Variants in OXNAD1 observed in about 807,000 individuals in gnomAD.
OXNAD1 encodes the protein oxidoreductase NAD-binding domain-containing protein 1.
A neutral mutation model predicts 32.9 loss-of-function variants in OXNAD1; 34 were observed. The ratio of observed to expected loss-of-function variants is 1.03; its 90% CI spans 0.79 to 1.38. The LOEUF (loss-of-function observed/expected upper bound fraction) is 1.38, where lower values mean the gene tolerates loss of function less well. Ranked by LOEUF, OXNAD1 falls within the 40% of genes most tolerant of loss-of-function variation. The probability of loss-of-function intolerance (pLI) is 0.00; values close to 1 mark genes in which losing one functional copy is unlikely to be tolerated. For missense variants in OXNAD1, 407 were observed against 379.4 expected, an observed-to-expected ratio of 1.07 and a Z score of -0.60; for synonymous variants, 134 against 135.2, an observed-to-expected ratio of 0.99 and a Z score of 0.06.
rs1337174437 is a variant in OXNAD1, at chr3:16,280,663, TG to T, written c.184-5678del. Reference sequence around the variant, plus strand: ...TTGCCTAAATTTTTAAGCCAGAAAATGAATGAACAGGAGTGAACAGGGAAAG... The same window carrying T: ...TTGCCTAAATTTTTAAGCCAGAAAATAATGAACAGGAGTGAACAGGGAAAG... On this transcript the variant is annotated intron_variant, in intron 4 of 8. Coordinates refer to ENST00000285083, the MANE Select transcript of OXNAD1 (RefSeq NM_138381.5). This position sits in a 1 kb window ranked among gnomAD's most constrained non-coding sequence, Gnocchi z 4.5. Among the ~76,000 whole-genome samples, 1 of 152,130 alleles carries T rather than the reference TG, an allele frequency of 6.6e-6. No homozygotes were observed. The highest frequency in any genetic ancestry group is 2.4e-5 in the African/African-American group (1 of 41,414).
Position 16,271,342 on chromosome 3 carries a change from T to A in OXNAD1, c.119+271T>A, listed in dbSNP as rs946149994. On this transcript the variant is annotated intron_variant, in intron 3 of 8. Transcript: ENST00000285083. The surrounding 1 kb of genome is among the most constrained non-coding windows in gnomAD (Gnocchi z 4.6). ...TCTTAGCCTCCCGAGTAGCTGGGATTACAGGCGTGCACCACCACACCTAGC... is the reference window on the plus strand; with the variant it reads ...TCTTAGCCTCCCGAGTAGCTGGGATAACAGGCGTGCACCACCACACCTAGC... 1 of 536,288 alleles carries A rather than the reference T, an allele frequency of 1.9e-6. No homozygotes were observed. The highest frequency in any genetic ancestry group is 1.9e-5 in the African/African-American group (1 of 51,560). The allele number at this position is 536,288 out of a possible 1,614,324, so 33.2% of individuals were successfully genotyped here. A position where few individuals can be genotyped will look rare whatever the true frequency, so the allele number is the denominator to read the frequency against.
rs1472981085 is a variant in OXNAD1 at position 16,277,361 on chromosome 3, T to A, written c.183+5639T>A. Among the ~76,000 whole-genome samples the A allele has an allele frequency of 2.0e-5, 3 of 152,092 alleles. No homozygotes were observed. The highest frequency in any genetic ancestry group is 4.4e-5 in the Non-Finnish European group (3 of 68,012). On this transcript the variant is annotated intron_variant, in intron 4 of 8. Transcript: ENST00000285083. The surrounding 1 kb of genome is among the most constrained non-coding windows in gnomAD (Gnocchi z 4.3). ...TGGTCATTAGGAACTTGCCCCAATC[T>A]CCAGAGGGTGCTCCTAGCCATAGAG...
chr3:16,276,390 G>T, intron 4 of OXNAD1: 1 of 190,854 alleles, frequency 5.2e-6, no homozygotes. Flanking sequence ...TTCAGGCAGA[G>T]GAAAAAGTTG....
intron 5 of OXNAD1, 52 bp from the exon 6 acceptor site, chr3:16,294,804 C>T (rs112252010): frequency 6.5e-7 from 1 of 1,532,292 alleles, no homozygotes; most frequent in Non-Finnish European, 8.8e-7. Context: ...GTTTAATTTA[C>T]CAATTTTTAA....
rs1271012701 is a variant in OXNAD1 at position 16,344,992 on chromosome 3, A to G, written c.*31-4184A>G. On this transcript the variant is annotated intron_variant, in intron 9 of 9. Transcript: ENST00000606098. The surrounding 1 kb of genome is among the most constrained non-coding windows in gnomAD (Gnocchi z 4.4). Reference sequence around the variant, plus strand: ...ATTTTAAGCTCTTTTAGGGGGCCACATGGAAAGCATAAGAAATGGGGGCAG... The same window carrying G: ...ATTTTAAGCTCTTTTAGGGGGCCACGTGGAAAGCATAAGAAATGGGGGCAG... 6.6e-6 allele frequency: 1 copy of G among 152,198 alleles called. No homozygotes were observed. The highest frequency in any genetic ancestry group is 1.5e-5 in the Non-Finnish European group (1 of 68,034). 9.4% of individuals were successfully genotyped at this position (152,198 alleles called of 1,614,324 possible). A position where few individuals can be genotyped will look rare whatever the true frequency, so the allele number is the denominator to read the frequency against.
rs2065420974 is a variant in OXNAD1, at chr3:16,277,353, CCCCAATCT to C, written c.183+5634_183+5641del. Among the ~76,000 whole-genome samples the C allele has an allele frequency of 6.6e-6, 1 of 152,136 alleles. No homozygotes were observed. The highest frequency in any genetic ancestry group is 6.5e-5 in the Admixed American group (1 of 15,276). On this transcript the variant is annotated intron_variant, in intron 4 of 8. Transcript: ENST00000285083. This position sits in a 1 kb window ranked among gnomAD's most constrained non-coding sequence, Gnocchi z 4.3. ...GCAGTATATGGTCATTAGGAACTTG[CCCCAATCT>C]CCAGAGGGTGCTCCTAGCCATAGAG... is the stretch of plus-strand genomic sequence containing the variant.
chr3:16,326,904 T>C, intron 9 of OXNAD1: 3 of 1,571,474 alleles, frequency 1.9e-6, no homozygotes, highest in Non-Finnish European at 2.6e-6. Context: ...GCATTAGGGC[T>C]GCTGCTGCCA....
intron 9 of OXNAD1, among the ~76,000 whole-genome samples, chr3:16,325,330 G>C (rs548139580): frequency 6.6e-6 from 1 of 152,192 alleles, no homozygotes; most frequent in Non-Finnish European, 1.5e-5. Flanking sequence ...CCATTCCACC[G>C]TAAGTGGTCA....
At chr3:16,272,975 C>T (rs565664711) in intron 4 of OXNAD1, among the ~76,000 whole-genome samples, 4 of 151,990 alleles carry the variant, frequency 2.6e-5, no homozygotes, top group Non-Finnish European at 5.9e-5. Context: ...TTTTTTGGGC[C>T]GTGCTGTCTT....
In OXNAD1 at chr3:16,301,974, G is replaced by A; in HGVS notation, c.675+106G>A. On this transcript the variant is annotated intron_variant, in intron 7 of 8. Transcript: ENST00000285083. This position sits in a 1 kb window ranked among gnomAD's most constrained non-coding sequence, Gnocchi z 4.1. The stretch of plus-strand genomic sequence containing the variant: ...TTTCTCTGCAAAGGTTCAAACAAAA[G>A]GCTTGGCAAGATTTAATCATGCTTA... The A allele has an allele frequency of 2.1e-6, 3 of 1,400,018 alleles. No homozygotes were observed. The highest frequency in any genetic ancestry group is 2.9e-6 in the Non-Finnish European group (3 of 1,038,330). 86.7% of individuals were successfully genotyped at this position (1,400,018 alleles called of 1,614,324 possible). A position where few individuals can be genotyped will look rare whatever the true frequency, so the allele number is the denominator to read the frequency against.
At chr3:16,266,380 C>T (rs528823240) in intron 1 of OXNAD1, among the ~76,000 whole-genome samples, 2 of 151,962 alleles carry the variant, frequency 1.3e-5, no homozygotes, top group Non-Finnish European at 2.9e-5. Context: ...CCTAAAAGGG[C>T]GGATCACGAG....
chr3:16,323,513 C>A (rs956517622), intron 9 of OXNAD1: 1 of 1,278,176 alleles, frequency 7.8e-7, no homozygotes, highest in Non-Finnish European at 1.1e-6. Context: ...AACCCAAAAC[C>A]TGACACAGAT....
chr3:16,275,055 T>A (rs1359136278), intron 4 of OXNAD1: 1 of 154,258 alleles, frequency 6.5e-6, no homozygotes, highest in Non-Finnish European at 1.5e-5. Context: ...GCCTTTTTAC[T>A]CTGTATCATA....
chr3:16,301,910 G>C lies in OXNAD1; in HGVS notation c.675+42G>C. 1 of 1,574,936 alleles carries C rather than the reference G, an allele frequency of 6.3e-7. No homozygotes were observed. On this transcript the variant is annotated intron_variant, in intron 7 of 8. Coordinates refer to ENST00000285083, the MANE Select transcript of OXNAD1 (RefSeq NM_138381.5). This position sits in a 1 kb window ranked among gnomAD's most constrained non-coding sequence, Gnocchi z 4.1. ...TTGCTGTAAGCAAACTTGTGTAGTGGTATTAATTGTTCATGAAAGTTTTTT... is the reference window on the plus strand; with the variant it reads ...TTGCTGTAAGCAAACTTGTGTAGTGCTATTAATTGTTCATGAAAGTTTTTT...
Position 16,271,329 on chromosome 3 carries a change from G to A in OXNAD1, c.119+258G>A, listed in dbSNP as rs569264447. ...AGTGATTCTCCTGTCTTAGCCTCCC[G>A]AGTAGCTGGGATTACAGGCGTGCAC... On this transcript the variant is annotated intron_variant, in intron 3 of 8. Transcript: ENST00000285083. The surrounding 1 kb of genome is among the most constrained non-coding windows in gnomAD (Gnocchi z 4.6). The A allele has an allele frequency of 2.1e-4, 115 of 536,076 alleles. No individual in the cohort carries two copies. The highest frequency in any genetic ancestry group is 1.6e-3 in the African/African-American group (83 of 51,570). 33.2% of individuals were successfully genotyped at this position (536,076 alleles called of 1,614,324 possible).
intron 6 of OXNAD1, among the ~76,000 whole-genome samples, chr3:16,296,823 A>C (rs2066833147): frequency 6.6e-6 from 1 of 152,134 alleles, no homozygotes; most frequent in African/African-American, 2.4e-5. Flanking sequence ...CTAAACCTAA[A>C]CCTCATACTT....
chr3:16,310,162 C>T (rs761686400), downstream of OXNAD1, among the ~76,000 whole-genome samples: 1 of 152,192 alleles, frequency 6.6e-6, no homozygotes, highest in Non-Finnish European at 1.5e-5. Flanking sequence ...GTGTACTTGA[C>T]TGAGACAGGG....
rs189832465 is a variant in OXNAD1 at position 16,271,118 on chromosome 3, G to A, written c.119+47G>A. The A allele has an allele frequency of 1.3e-5, 21 of 1,598,414 alleles. No homozygotes were observed. The East Asian group carries it at 4.7e-4, about 36-fold the overall frequency. Reference sequence around the variant, plus strand: ...GTCATTTGAAGTTAATTTTCAAAGAGACCCGACCTGCTGATGGTTGTGGGA... The same window carrying A: ...GTCATTTGAAGTTAATTTTCAAAGAAACCCGACCTGCTGATGGTTGTGGGA... On this transcript the variant is annotated intron_variant, in intron 3 of 8. Transcript: ENST00000285083. The surrounding 1 kb of genome is among the most constrained non-coding windows in gnomAD (Gnocchi z 4.6).
rs1359111489 is a variant in OXNAD1 at position 16,304,069 on chromosome 3, T to G, written c.*507T>G. 3.3e-5 allele frequency: 5 copies of G among 152,294 alleles called. No homozygotes were observed. The highest frequency in any genetic ancestry group is 1.3e-4 in the Admixed American group (2 of 15,292). 9.4% of individuals were successfully genotyped at this position (152,294 alleles called of 1,614,324 possible). On this transcript the variant is annotated 3_prime_UTR_variant, in exon 9 of 9. Transcript: ENST00000285083. The surrounding 1 kb of genome is among the most constrained non-coding windows in gnomAD (Gnocchi z 4.6). ...TACCATGGCCTACAGTCTTATTTGG[T>G]CCATCAAAGTTAAGTTTGGACATGG...
Sources: allele counts gnomAD v4.1 joint callset (sites outside exome capture counted in the v4.1 genomes callset), GRCh38; gene constraint gnomAD v4.1.1; non-coding constraint Gnocchi (gnomAD v3.1); transcripts MANE v1.5; gene names NCBI Gene and HGNC (gene_info 2026-07-23, HGNC 2026-07-21).